Variants in ATP8B3 observed in about 807,000 individuals in gnomAD.
ATP8B3 encodes ATPase phospholipid transporting 8B3.
ATP8B3 carries 141 observed loss-of-function variants against 140.9 expected under a neutral mutation model. The observed-to-expected ratio is 1.00, with a 90% CI of 0.87 to 1.15. The LOEUF is 1.15. ATP8B3 is among the 50% of genes most tolerant of loss of function. The probability of loss-of-function intolerance (pLI) is 0.00; values close to 1 mark genes in which losing one functional copy is unlikely to be tolerated. For missense variants in ATP8B3, 1,874 were observed against 1,740.6 expected, an observed-to-expected ratio of 1.08 and a Z score of -1.36; for synonymous variants, 765 against 714.6, an observed-to-expected ratio of 1.07 and a Z score of -1.13.
rs1027078650 is a variant in ATP8B3, at chr19:1,794,147, G to C, written c.2055+1728C>G. 8.5e-5 allele frequency among the ~76,000 whole-genome samples: 13 copies of C among 152,244 alleles called. 1 individual carries two copies. Among genetic ancestry groups the C allele is most frequent in the African/African-American group, 3.1e-4 (13 of 41,534 alleles). On this transcript the variant is annotated intron_variant, in intron 18 of 28. Coordinates refer to ENST00000310127, the MANE Select transcript of ATP8B3 (RefSeq NM_138813.4). This position sits in a 1 kb window ranked among gnomAD's most constrained non-coding sequence, Gnocchi z 4.8. ...CACTCAAGCGATCCTCCTGCCTCAGGCTCCCAAAGTGCTGGGACCACAGGC... is the reference window on the plus strand; with the variant it reads ...CACTCAAGCGATCCTCCTGCCTCAGCCTCCCAAAGTGCTGGGACCACAGGC...
At position 1,795,928 on chromosome 19, in the gene ATP8B3, C is replaced by T. The variant is rs767407696; in HGVS notation, c.2002G>A (p.Glu668Lys). The T allele has an allele frequency of 6.8e-6, 11 of 1,613,010 alleles. No individual in the cohort carries two copies. The highest frequency in any genetic ancestry group is 2.2e-5 in the East Asian group (1 of 44,872). Residue 668 changes from glutamate to lysine, a missense_variant, in exon 18 of 29, where the codon GAA becomes AAA. This residue lies in a region of ATP8B3 where 1,032 missense variants were observed against 963.6 expected (regional missense o/e 1.07). Transcript: ENST00000310127. ...ATTGCCCCCCTCCTGTGCAAGCGTTCGAAGATGACCGTGTCGGCGCCCTTG... is the reference window on the plus strand; with the variant it reads ...ATTGCCCCCCTCCTGTGCAAGCGTTTGAAGATGACCGTGTCGGCGCCCTTG... ...YTKGADTVIF[E>K]RLHRRGAMEF...
chr19:1,789,623 G>C lies in ATP8B3; in HGVS notation c.2583C>G (p.Leu861=). The C allele has an allele frequency of 1.3e-6, 2 of 1,594,460 alleles. No homozygotes were observed. Among genetic ancestry groups the C allele is most frequent in the Non-Finnish European group, 1.7e-6 (2 of 1,174,192 alleles). ...ACAGCAGGGACAGGCGCCTGGCGTA[G>C]AGGAAATCCCTCCTGGACTGGCCGA... The part of the protein sequence containing the change: ...QELGQSRRDF[L]YARRLSLLCR... Residue 861 remains leucine, a synonymous_variant, in exon 23 of 29, where the codon CTC becomes CTG. Coordinates refer to ENST00000310127, the MANE Select transcript of ATP8B3 (RefSeq NM_138813.4).
Position 1,800,045 on chromosome 19 carries a change from TG to T in ATP8B3, c.1453del (p.His485ThrfsTer21). 1 of 1,599,990 alleles carries T rather than the reference TG, an allele frequency of 6.3e-7. No individual in the cohort carries two copies. Among genetic ancestry groups the T allele is most frequent in the Non-Finnish European group, 8.5e-7 (1 of 1,173,462 alleles). ...AKARSTSLND[H>X]LGQVEYIFSD... ...GAAGATGTATTCCACCTGGCCCAGG[TG>T]GTCGTTGAGGCTGGTGCTGCGGGCC... is the stretch of plus-strand genomic sequence containing the variant. On this transcript the variant is annotated frameshift_variant, in exon 14 of 29. Coordinates refer to ENST00000310127, the MANE Select transcript of ATP8B3 (RefSeq NM_138813.4). LOFTEE classifies it high-confidence loss of function. This position sits in a 1 kb window ranked among gnomAD's most constrained non-coding sequence, Gnocchi z 4.4.
At position 1,799,953 on chromosome 19, in the gene ATP8B3, C is replaced by A; in HGVS notation, c.1546G>T (p.Val516Phe). The stretch of plus-strand genomic sequence containing the variant: ...TCAGGTGTCGGGGCCGCACCATAGA[C>A]GCGGCCGCTGATGCAGCACTTGTTG... ...TFNKCCISGR[V>F]YGPDSEATTR... Residue 516 changes from valine (V) to phenylalanine (F), a missense_variant, in exon 14 of 29, where the codon GTC (valine) becomes TTC (phenylalanine). By Grantham distance (50) the Val-to-Phe change is conservative. Around this residue, in one of 3 missense-constraint regions of ATP8B3, gnomAD observed 1,032 missense variants for 963.6 expected, o/e 1.07. Transcript: ENST00000310127. 1 of 1,594,512 alleles carries A rather than the reference C, an allele frequency of 6.3e-7. No homozygotes were observed. The highest frequency in any genetic ancestry group is 1.1e-5 in the South Asian group (1 of 87,958).
At position 1,807,384 on chromosome 19, in the gene ATP8B3, G is replaced by A; in HGVS notation, c.517-118C>T. The A allele has an allele frequency of 1.3e-6, 1 of 791,368 alleles. No homozygotes were observed. The highest frequency in any genetic ancestry group is 2.1e-6 in the Non-Finnish European group (1 of 482,808). 49.0% of individuals were successfully genotyped at this position (791,368 alleles called of 1,614,324 possible). A position where few individuals can be genotyped will look rare whatever the true frequency, so the allele number is the denominator to read the frequency against. The stretch of plus-strand genomic sequence containing the variant: ...ACGTGACACATCTGCTGGCCACCTT[G>A]ACCGGGGTCCAGCCATCTCCTGCAA... On this transcript the variant is annotated intron_variant, in intron 5 of 28. Coordinates refer to ENST00000310127, the MANE Select transcript of ATP8B3 (RefSeq NM_138813.4). The surrounding 1 kb of genome is among the most constrained non-coding windows in gnomAD (Gnocchi z 5.9).
rs778657823 is a variant in ATP8B3 at position 1,789,685 on chromosome 19, C to T, written c.2521G>A (p.Ala841Thr). ...GCCTCGTCCATGTTCACGTTCTGCGCCAGGGCGCGCGGCTCCTTCCGCAGG... is the reference window on the plus strand; with the variant it reads ...GCCTCGTCCATGTTCACGTTCTGCGTCAGGGCGCGCGGCTCCTTCCGCAGG... ...VSLRKEPRAL[A>T]QNVNMDEAWQ... Residue 841 changes from alanine (A) to threonine (T), a missense_variant, in exon 23 of 29, where the codon GCG becomes ACG. Around this residue, in one of 3 missense-constraint regions of ATP8B3, gnomAD observed 840 missense variants for 760.9 expected, o/e 1.10. Coordinates refer to ENST00000310127, the MANE Select transcript of ATP8B3 (RefSeq NM_138813.4). 2.5e-6 allele frequency: 4 copies of T among 1,594,172 alleles called. No individual in the cohort carries two copies. The highest frequency in any genetic ancestry group is 1.1e-5 in the South Asian group (1 of 89,070).
In ATP8B3 at chr19:1,805,869, C is replaced by A. The variant is rs540882948; in HGVS notation, c.821+19G>T. On this transcript the variant is annotated intron_variant, in intron 9 of 28. Coordinates refer to ENST00000310127, the MANE Select transcript of ATP8B3 (RefSeq NM_138813.4). This position sits in a 1 kb window ranked among gnomAD's most constrained non-coding sequence, Gnocchi z 5.2. ...GCTCCCCACCCCCCAGGGTCCCCAG[C>A]GATGCCACAGCTCCTCACCCGTCAA... 3.7e-6 allele frequency: 6 copies of A among 1,612,446 alleles called. No individual in the cohort carries two copies. The highest frequency in any genetic ancestry group is 5.1e-6 in the Non-Finnish European group (6 of 1,179,714).
At position 1,800,430 on chromosome 19, in the gene ATP8B3, A is replaced by G. The variant is rs1390221280; in HGVS notation, c.1172T>C (p.Leu391Pro). 3.8e-6 allele frequency: 6 copies of G among 1,564,818 alleles called. No individual in the cohort carries two copies. Among genetic ancestry groups the G allele is most frequent in the East Asian group, 2.5e-5 (1 of 40,790 alleles). ...GCCGAAGGCCAACACCAGGCAGACA[A>G]GCACCACGGAGATGAAGATCTGGAA... ...LVVVIFISVV[L>P]VCLVLAFGFG... is the part of the protein sequence containing the mutation. The change falls in exon 13 of 29, where the codon CTT becomes CCT. Residue 391 changes from leucine (L) to proline (P), a missense_variant. This residue lies in a region of ATP8B3 where 1,032 missense variants were observed against 963.6 expected (regional missense o/e 1.07). Coordinates refer to ENST00000310127, the MANE Select transcript of ATP8B3 (RefSeq NM_138813.4). The surrounding 1 kb of genome is among the most constrained non-coding windows in gnomAD (Gnocchi z 4.4).
Position 1,790,835 on chromosome 19 carries a change from G to A in ATP8B3, c.2303-3C>T. 6.3e-7 allele frequency: 1 copy of A among 1,595,642 alleles called. No homozygotes were observed. Among genetic ancestry groups the A allele is most frequent in the Non-Finnish European group, 8.5e-7 (1 of 1,172,800 alleles). On this transcript the variant is annotated splice_polypyrimidine_tract_variant and splice_region_variant and intron_variant, in intron 20 of 28. Coordinates refer to ENST00000310127, the MANE Select transcript of ATP8B3 (RefSeq NM_138813.4). ...GAAGCCGATGTTCACAGCCGTTTCT[G>A]CGAAGCAGACCAGCTCAGCGCCTCT...
rs781061414 is a variant in ATP8B3 at position 1,806,634 on chromosome 19, C to A, written c.671G>T (p.Gly224Val). 6.4e-7 allele frequency: 1 copy of A among 1,559,048 alleles called. No individual in the cohort carries two copies. Among genetic ancestry groups the A allele is most frequent in the Non-Finnish European group, 8.7e-7 (1 of 1,151,694 alleles). The change falls in exon 7 of 29, where the codon GGG becomes GTG. Residue 224 changes from glycine (G) to valine (V), a missense_variant. Coordinates refer to ENST00000310127, the MANE Select transcript of ATP8B3 (RefSeq NM_138813.4). This position sits in a 1 kb window ranked among gnomAD's most constrained non-coding sequence, Gnocchi z 5.6. ...INNRPCQILM[G>V]KSFKQKKWQD... ...GCTGCAGCCCCAGCCTCACCTCTTC[C>A]CCATCAGAATCTGGCAGGGTCTGTT...
chr19:1,795,369 G>A (rs896623186), intron 18 of ATP8B3, among the ~76,000 whole-genome samples: 1 of 152,184 alleles, frequency 6.6e-6, no homozygotes, highest in African/African-American at 2.4e-5. Context: ...TGGCCCACAT[G>A]GCGAAAACCC....
chr19:1,786,960 G>A (rs2068325017), intron 25 of ATP8B3, 143 bp downstream of exon 25: 6 of 676,534 alleles, frequency 8.9e-6, no homozygotes, highest in South Asian at 3.9e-5. Context: ...AGTGGGCAGG[G>A]AGAGGTACTG....
At position 1,788,937 on chromosome 19, in the gene ATP8B3, A is replaced by G. The variant is rs1600398591; in HGVS notation, c.3029T>C (p.Val1010Ala). ...FFYKSMASMM[V>A]QVWFACYNGF... ...GTTGTAGCAGGCAAACCAGACCTGC[A>G]CCATCATGCTGGCCATGCTCTTGTA... The change falls in exon 24 of 29, where the codon GTG becomes GCG. Residue 1010 changes from valine (V) to alanine (A), a missense_variant. Val to Ala is a moderately conservative substitution (Grantham distance 64, BLOSUM62 0). Around this residue, in one of 3 missense-constraint regions of ATP8B3, gnomAD observed 840 missense variants for 760.9 expected, o/e 1.10. Transcript: ENST00000310127. 2 of 1,606,612 alleles carry G rather than the reference A, an allele frequency of 1.2e-6. No individual in the cohort carries two copies. Among genetic ancestry groups the G allele is most frequent in the African/African-American group, 2.7e-5 (2 of 74,900 alleles).
chr19:1,805,520 C>G lies in ATP8B3; in HGVS notation c.822-64G>C, dbSNP rs2068983698. On this transcript the variant is annotated intron_variant, in intron 9 of 28. Coordinates refer to ENST00000310127, the MANE Select transcript of ATP8B3 (RefSeq NM_138813.4). The surrounding 1 kb of genome is among the most constrained non-coding windows in gnomAD (Gnocchi z 5.2). Reference sequence around the variant, plus strand: ...ATGGATGCTTCGAGGAGCCCCCAGACCCCTTCTGGAGTCACTCAAACATTT... The same window carrying G: ...ATGGATGCTTCGAGGAGCCCCCAGAGCCCTTCTGGAGTCACTCAAACATTT... 1 of 1,357,324 alleles carries G rather than the reference C, an allele frequency of 7.4e-7. No individual in the cohort carries two copies. Among genetic ancestry groups the G allele is most frequent in the Admixed American group, 2.0e-5 (1 of 50,720 alleles). The allele number at this position is 1,357,324 out of a possible 1,614,324, so 84.1% of individuals were successfully genotyped here.
At chr19:1,796,296 C>T (rs1162852851) in intron 16 of ATP8B3, 31 bp from the exon 17 acceptor site, 12 of 1,557,956 alleles carry the variant, frequency 7.7e-6, no homozygotes, top group Admixed American at 1.8e-5. Flanking sequence ...TTTGGGGTCA[C>T]GTGGTGGAGC....
chr19:1,789,824 G>C, intron 22 of ATP8B3, 66 bp downstream of exon 22: 1 of 1,589,060 alleles, frequency 6.3e-7, no homozygotes, highest in Non-Finnish European at 8.6e-7. Context: ...CCCACCCCGA[G>C]CCCGCCGCCC....
chr19:1,801,667 G>A (rs986566831), intron 12 of ATP8B3, among the ~76,000 whole-genome samples: 4 of 152,134 alleles, frequency 2.6e-5, no homozygotes, highest in African/African-American at 9.7e-5. Flanking sequence ...CAGGAGACTT[G>A]CTTGAACCCG....
At chr19:1,786,216 G>A (rs540197582) in intron 25 of ATP8B3, among the ~76,000 whole-genome samples, 15 of 152,220 alleles carry the variant, frequency 9.9e-5, no homozygotes, top group South Asian at 4.1e-4. Context: ...TGGGCTGTGC[G>A]CATGAGTCTG....
intron 4 of ATP8B3, 60 bp from the exon 5 acceptor site, chr19:1,808,395 G>A: frequency 3.0e-6 from 4 of 1,353,014 alleles, no homozygotes; most frequent in Non-Finnish European, 4.2e-6. Context: ...GGGGATGGGG[G>A]TGCCCGAGGC....
Sources: allele counts gnomAD v4.1 joint callset (sites outside exome capture counted in the v4.1 genomes callset), GRCh38; gene constraint gnomAD v4.1.1; regional missense constraint gnomAD v4.1.1; non-coding constraint Gnocchi (gnomAD v3.1); transcripts MANE v1.5; gene names NCBI Gene and HGNC (gene_info 2026-07-23, HGNC 2026-07-21).